LATS2: variants seen among roughly 807,000 people sequenced by gnomAD.
The protein encoded by LATS2 is large tumor suppressor kinase 2.
A neutral mutation model predicts 76.0 loss-of-function variants in LATS2; 24 were observed. The ratio of observed to expected loss-of-function variants is 0.32; its 90% CI spans 0.23 to 0.44. The LOEUF (loss-of-function observed/expected upper bound fraction) is 0.44, where lower values mean the gene tolerates loss of function less well. Ranked by LOEUF, LATS2 falls within the 20% of genes least tolerant of loss-of-function variation. The probability of loss-of-function intolerance (pLI) is 1.00; values close to 1 mark genes in which losing one functional copy is unlikely to be tolerated. For synonymous variants in LATS2, 692 were observed against 635.4 expected (o/e 1.09, Z -1.34); for missense variants, 1,286 against 1,481.2 (o/e 0.87, Z 2.16).
chr13:21,008,742 G>A (rs1275837243), intron 2 of LATS2, among the ~76,000 whole-genome samples: 1 of 152,088 alleles, frequency 6.6e-6, no homozygotes, highest in Non-Finnish European at 1.5e-5. Flanking sequence ...CTGAGGAAAG[G>A]TGTGTAAATT....
chr13:21,017,779 C>T (rs1011321055), intron 2 of LATS2, among the ~76,000 whole-genome samples: 4 of 152,066 alleles, frequency 2.6e-5, no homozygotes, highest in Admixed American at 2.6e-4. Flanking sequence ...GCGCCCACCA[C>T]CACACCCAAC....
intron 2 of LATS2, among the ~76,000 whole-genome samples, chr13:20,994,844 G>C (rs1314372471): frequency 3.7e-5 from 4 of 107,090 alleles, no homozygotes; most frequent in Non-Finnish European, 7.9e-5. Flanking sequence ...AACAAAGTAA[G>C]AATGTGTCTC....
At chr13:21,024,527 G>A (rs1872227070) in intron 2 of LATS2, among the ~76,000 whole-genome samples, 1 of 151,990 alleles carries the variant, frequency 6.6e-6, no homozygotes, top group Non-Finnish European at 1.5e-5. Flanking sequence ...GTTCTCGCCA[G>A]GGCATATCTA....
chr13:21,040,376 C>CAAAAAAAAAA (rs141897751), intron 2 of LATS2, among the ~76,000 whole-genome samples: 1 of 108,760 alleles, frequency 9.2e-6, no homozygotes, highest in African/African-American at 3.6e-5. Context: ...GACCTTGTCT[C>CAAAAAAAAAA]AAAAAAAAAA....
At chr13:21,059,920 G>A (rs1344374693) in intron 1 of LATS2, among the ~76,000 whole-genome samples, 4 of 152,166 alleles carry the variant, frequency 2.6e-5, no homozygotes, top group Non-Finnish European at 5.9e-5. Flanking sequence ...AGCCGAGATC[G>A]CGCCACTCCC....
chr13:21,013,589 G>C (rs1289501015), intron 2 of LATS2, among the ~76,000 whole-genome samples: 1 of 152,082 alleles, frequency 6.6e-6, no homozygotes, highest in African/African-American at 2.4e-5. Flanking sequence ...TCCCTTTCCC[G>C]TTTATGTTGG....
Position 21,045,867 on chromosome 13 carries a change from T to A in LATS2, c.160A>T (p.Ser54Cys). The A allele has an allele frequency of 6.2e-7, 1 of 1,614,184 alleles. No individual in the cohort carries two copies. The highest frequency in any genetic ancestry group is 8.5e-7 in the Non-Finnish European group (1 of 1,180,036). ...DTSLDAKVLG[S>C]KDATRQQQQM... ...TGCTGCTGCCTGGTGGCATCTTTGC[T>A]CCCCAGGACTTTGGCATCCAGGGAA... The change falls in exon 2 of 8, where the codon AGC (serine) becomes TGC (cysteine). Residue 54 changes from serine to cysteine, a missense_variant. This residue lies in a region of LATS2 where 101 missense variants were observed against 141.4 expected (regional missense o/e 0.71). Coordinates refer to ENST00000382592, the MANE Select transcript of LATS2 (RefSeq NM_014572.3).
intron 2 of LATS2, among the ~76,000 whole-genome samples, chr13:21,037,011 T>C (rs1872705634): frequency 6.6e-6 from 1 of 152,230 alleles, no homozygotes; most frequent in South Asian, 2.1e-4. Context: ...AAGTCAGTAA[T>C]ATCCATAAGA....
intron 1 of LATS2, among the ~76,000 whole-genome samples, chr13:21,056,016 T>C (rs1427670572): frequency 6.6e-6 from 1 of 152,188 alleles, no homozygotes; most frequent in Non-Finnish European, 1.5e-5. Context: ...AAACACACTT[T>C]AGAAGAATTC....
intron 2 of LATS2, among the ~76,000 whole-genome samples, chr13:21,036,437 T>G (rs987112132): frequency 1.5e-4 from 23 of 152,104 alleles, no homozygotes; most frequent in African/African-American, 5.6e-4. Context: ...AGTGGAGAAC[T>G]ATTACCACTT....
intron 1 of LATS2, among the ~76,000 whole-genome samples, chr13:21,060,483 T>A (rs1467995164): frequency 6.6e-6 from 1 of 152,164 alleles, no homozygotes; most frequent in Non-Finnish European, 1.5e-5. Flanking sequence ...GCCAAGACCG[T>A]GAGCAAACTC....
intron 2 of LATS2, among the ~76,000 whole-genome samples, chr13:21,030,432 G>A (rs1256302633): frequency 6.6e-6 from 1 of 151,482 alleles, no homozygotes; most frequent in African/African-American, 2.4e-5. Flanking sequence ...TACTAAAAAT[G>A]CACAAAATTA....
At chr13:21,057,581 CAGG>C (rs1358819108) in intron 1 of LATS2, among the ~76,000 whole-genome samples, 2 of 151,904 alleles carry the variant, frequency 1.3e-5, no homozygotes, top group Non-Finnish European at 2.9e-5. Flanking sequence ...ATCACGAGGT[CAGG>C]AGATCGAGAC....
Position 20,979,800 on chromosome 13 carries a change from G to A in LATS2, c.2666-3C>T, listed in dbSNP as rs751361530. ...CCAGTCACAGAGTTGAGTGTACCCT[G>A]CAAGACAAAGTTCACTCAATCCCTA... On this transcript the variant is annotated splice_region_variant and splice_polypyrimidine_tract_variant and intron_variant, in intron 6 of 7. Transcript: ENST00000382592. 1.7e-5 allele frequency: 27 copies of A among 1,554,832 alleles called. No homozygotes were observed. In the East Asian group the frequency reaches 5.6e-4, roughly 32 times the overall value.
chr13:21,000,371 ACT>A (rs1200643037), intron 2 of LATS2, among the ~76,000 whole-genome samples: 2 of 151,502 alleles, frequency 1.3e-5, no homozygotes, highest in Non-Finnish European at 2.9e-5. Context: ...ACAGAGCAAG[ACT>A]CTGTCATAAT....
rs1320351698 is a variant in LATS2, at chr13:20,985,383, A to G, written c.1900-1577T>C. Among the ~76,000 whole-genome samples, 6 of 152,360 alleles carry G rather than the reference A, an allele frequency of 3.9e-5. No individual in the cohort carries two copies. In the East Asian group the frequency reaches 7.7e-4, roughly 20 times the overall value. On this transcript the variant is annotated intron_variant, in intron 4 of 7. Transcript: ENST00000382592. The stretch of plus-strand genomic sequence containing the variant: ...ACTATTCATCTGACAAAAGACTATT[A>G]TTCAGAATATACAAGGAACTCAACT...
intron 2 of LATS2, among the ~76,000 whole-genome samples, chr13:21,041,423 CAGTT>C (rs1280125003): frequency 1.3e-5 from 2 of 152,124 alleles, no homozygotes; most frequent in African/African-American, 4.8e-5. Flanking sequence ...ATCAGTTTAT[CAGTT>C]TGTTTGTTTA....
chr13:21,038,025 G>C (rs1872739823), intron 2 of LATS2, among the ~76,000 whole-genome samples: 1 of 152,198 alleles, frequency 6.6e-6, no homozygotes, highest in Non-Finnish European at 1.5e-5. Flanking sequence ...TGGACCGCTT[G>C]AGCCCAGGAG....
intron 2 of LATS2, among the ~76,000 whole-genome samples, chr13:21,014,443 T>A (rs1002163735): frequency 6.6e-6 from 1 of 152,184 alleles, no homozygotes; most frequent in East Asian, 1.9e-4. Context: ...GATCCTGAAG[T>A]ATGAATAAAG....
Sources: allele counts gnomAD v4.1 joint callset (sites outside exome capture counted in the v4.1 genomes callset), GRCh38; gene constraint gnomAD v4.1.1; regional missense constraint gnomAD v4.1.1; transcripts MANE v1.5; gene names NCBI Gene and HGNC (gene_info 2026-07-23, HGNC 2026-07-21).